The following RAB27B variants were observed in gnomAD, a reference collection of about 807,000 sequenced individuals.
The protein encoded by RAB27B is RAB27B, member RAS oncogene family.
A neutral mutation model predicts 24.6 loss-of-function variants in RAB27B; 15 were observed. That is an observed-to-expected ratio of 0.61 (90% CI 0.41 to 0.94). The LOEUF (loss-of-function observed/expected upper bound fraction) is 0.94. Among genes scored for constraint, RAB27B ranks in the 40% least tolerant of loss-of-function variants. RAB27B has a pLI of 0.00. For missense variants in RAB27B, 261 were observed against 266.8 expected (o/e 0.98, Z 0.15); for synonymous variants, 105 against 92.5 (o/e 1.14, Z -0.78).
In RAB27B at chr18:54,884,953, G is replaced by A. The variant is rs140911098; in HGVS notation, c.343+517G>A. ...GCACAGTGTGTCAGTCAGTCAGCTC[G>A]CTTGGGAATTTTACTTTTAAAAAGG... On this transcript the variant is annotated intron_variant, in intron 4 of 5. Transcript: ENST00000262094. Among the ~76,000 whole-genome samples the A allele has an allele frequency of 1.1e-3, 164 of 152,210 alleles. 1 individual carries two copies. Among genetic ancestry groups the A allele is most frequent in the African/African-American group, 3.7e-3 (154 of 41,538 alleles).
intron 1 of RAB27B, among the ~76,000 whole-genome samples, chr18:54,844,901 A>G (rs1236630984): frequency 1.3e-5 from 2 of 152,108 alleles, no homozygotes; most frequent in Non-Finnish European, 2.9e-5. Flanking sequence ...AAATGGAGGT[A>G]TAGGGAGGGA....
chr18:54,815,818 T>A (rs972971643), intron 2 of RAB27B, among the ~76,000 whole-genome samples: 1 of 152,024 alleles, frequency 6.6e-6, no homozygotes, highest in Non-Finnish European at 1.5e-5. Context: ...TAGACGGGGT[T>A]TCTCCATGTT....
intron 2 of RAB27B, among the ~76,000 whole-genome samples, chr18:54,811,494 T>G (rs760933816): frequency 4.6e-5 from 7 of 152,170 alleles, no homozygotes; most frequent in Non-Finnish European, 8.8e-5. Flanking sequence ...CGATCAGTCT[T>G]TTGCTGAATG....
intron 1 of RAB27B, among the ~76,000 whole-genome samples, chr18:54,856,850 T>G (rs1598965436): frequency 6.6e-6 from 1 of 152,254 alleles, no homozygotes; most frequent in East Asian, 1.9e-4. Flanking sequence ...AAGATTAGTA[T>G]CTTTGTTTCG....
At chr18:54,769,845 C>A (rs1454967065) in intron 2 of RAB27B, among the ~76,000 whole-genome samples, 2 of 152,042 alleles carry the variant, frequency 1.3e-5, no homozygotes, top group Non-Finnish European at 2.9e-5. Flanking sequence ...TTAAATACAA[C>A]TGTTATCATA....
chr18:54,720,978 G>T (rs1372852309), intron 2 of RAB27B, among the ~76,000 whole-genome samples: 2 of 152,058 alleles, frequency 1.3e-5, no homozygotes, highest in African/African-American at 2.4e-5. Flanking sequence ...TAAGTGATGT[G>T]TCATCTCCAC....
intron 2 of RAB27B, among the ~76,000 whole-genome samples, chr18:54,783,060 C>T (rs757723713): frequency 2.2e-4 from 33 of 151,978 alleles, no homozygotes; most frequent in Admixed American, 4.6e-4. Context: ...TGGGTTCAAA[C>T]GATTCTTCCG....
At chr18:54,834,497 T>C (rs955382181) in intron 1 of RAB27B, among the ~76,000 whole-genome samples, 3 of 152,168 alleles carry the variant, frequency 2.0e-5, no homozygotes, top group African/African-American at 7.2e-5. Flanking sequence ...GCTCTAGACT[T>C]GGGCAACACA....
chr18:54,744,955 A>T, intron 2 of RAB27B: 1 of 196,836 alleles, frequency 5.1e-6, no homozygotes, highest in South Asian at 1.1e-4. Flanking sequence ...CACTGTTGAA[A>T]GCCCTGCTGA....
rs559132825 is a variant in RAB27B, at chr18:54,729,364, A to C, written c.-20+11223A>C. 2.0e-5 allele frequency among the ~76,000 whole-genome samples: 3 copies of C among 152,280 alleles called. No homozygotes were observed. The South Asian group carries it at 6.2e-4, about 32-fold the overall frequency. ...GGTTAATGACCAAGAGCTTTCCTGA[A>C]AAAGGCCGGAAGGAAGATACTAAGC... is the stretch of plus-strand genomic sequence containing the variant. On this transcript the variant is annotated intron_variant, in intron 2 of 4. Transcript: ENST00000586570.
chr18:54,725,300 CTTCT>C (rs2050213970), intron 2 of RAB27B, among the ~76,000 whole-genome samples: 1 of 151,144 alleles, frequency 6.6e-6, no homozygotes. Context: ...TTTTTTCTTC[CTTCT>C]GTCTCTGGCA....
intron 2 of RAB27B, among the ~76,000 whole-genome samples, chr18:54,766,196 C>A (rs750104739): frequency 6.6e-6 from 1 of 152,038 alleles, no homozygotes; most frequent in African/African-American, 2.4e-5. Flanking sequence ...ATGGTAGACC[C>A]TCCAGAAATA....
intron 1 of RAB27B, among the ~76,000 whole-genome samples, chr18:54,857,463 T>G (rs1445890113): frequency 6.6e-6 from 1 of 152,236 alleles, no homozygotes; most frequent in Non-Finnish European, 1.5e-5. Context: ...CTACTTTGAA[T>G]TATGAATATT....
At chr18:54,820,161 T>C (rs2145165092) in intron 2 of RAB27B, among the ~76,000 whole-genome samples, 1 of 152,226 alleles carries the variant, frequency 6.6e-6, no homozygotes, top group Middle Eastern at 3.4e-3. Context: ...GGTCAAATGG[T>C]ATTTCTAGTT....
chr18:54,835,716 C>T lies in RAB27B; in HGVS notation c.-20+7016C>T, dbSNP rs146308515. ...GGAAGCAAGATGCTAGTTGATGAAG[C>T]CTGCATAGCAGTAATAGTAATAAGA... On this transcript the variant is annotated intron_variant, in intron 1 of 5. Transcript: ENST00000262094. Among the ~76,000 whole-genome samples the T allele has an allele frequency of 1.2e-4, 18 of 152,116 alleles. No homozygotes were observed. The East Asian group carries it at 3.5e-3, about 29-fold the overall frequency.
At chr18:54,886,171 T>C (rs1913128845) in intron 4 of RAB27B, among the ~76,000 whole-genome samples, 1 of 152,094 alleles carries the variant, frequency 6.6e-6, no homozygotes, top group Admixed American at 6.6e-5. Flanking sequence ...GACCACCCCA[T>C]CTGAAATAGT....
At chr18:54,848,455 G>A (rs1568095090) in intron 1 of RAB27B, among the ~76,000 whole-genome samples, 1 of 152,072 alleles carries the variant, frequency 6.6e-6, no homozygotes, top group Non-Finnish European at 1.5e-5. Flanking sequence ...TACAGGTAAA[G>A]AACTATTTGG....
chr18:54,831,312 C>CGAAA (rs1910666447), intron 1 of RAB27B, among the ~76,000 whole-genome samples: 1 of 151,822 alleles, frequency 6.6e-6, no homozygotes, highest in Non-Finnish European at 1.5e-5. Context: ...TGGCATCTTT[C>CGAAA]AGGAACAGCA....
At chr18:54,886,563 G>A (rs779502815) in intron 4 of RAB27B, among the ~76,000 whole-genome samples, 4 of 151,924 alleles carry the variant, frequency 2.6e-5, no homozygotes, top group African/African-American at 4.8e-5. Flanking sequence ...CCAAATGAAC[G>A]TTTATCTTAG....
Sources: allele counts gnomAD v4.1 joint callset (sites outside exome capture counted in the v4.1 genomes callset), GRCh38; gene constraint gnomAD v4.1.1; transcripts MANE v1.5; gene names NCBI Gene and HGNC (gene_info 2026-07-23, HGNC 2026-07-21).